The following JPH1 variants were observed in gnomAD, a reference collection of about 807,000 sequenced individuals.
The protein encoded by JPH1 is junctophilin 1.
Under a neutral mutation model 53.6 loss-of-function variants are expected in JPH1, and 12 were observed. The observed-to-expected ratio is 0.22, with a 90% CI of 0.14 to 0.36. The LOEUF is 0.36. Among genes scored for constraint, JPH1 ranks in the 10% least tolerant of loss-of-function variants. The probability of loss-of-function intolerance (pLI) is 1.00; values close to 1 mark genes in which losing one functional copy is unlikely to be tolerated. For missense variants in JPH1, 808 were observed against 905.5 expected (o/e 0.89, Z 1.38); for synonymous variants, 375 against 363.8 (o/e 1.03, Z -0.35).
chr8:74,320,824 G>C lies in JPH1; in HGVS notation c.379+85C>G. ...GGCGGGTTTCCGGACACGTGCGCCC[G>C]GCGTCCTCCCCGCTTCCCCGCAGCC... On this transcript the variant is annotated intron_variant, in intron 1 of 5. Coordinates refer to ENST00000342232, the MANE Select transcript of JPH1 (RefSeq NM_020647.4). The surrounding 1 kb of genome is among the most constrained non-coding windows in gnomAD (Gnocchi z 4.4). 7.2e-7 allele frequency: 1 copy of C among 1,380,042 alleles called. No individual in the cohort carries two copies. Among genetic ancestry groups the C allele is most frequent in the South Asian group, 1.7e-5 (1 of 59,918 alleles). 85.5% of individuals were successfully genotyped at this position (1,380,042 alleles called of 1,614,324 possible).
intron 4 of JPH1, among the ~76,000 whole-genome samples, chr8:74,244,305 T>A (rs1233174736): frequency 6.6e-6 from 1 of 152,092 alleles, no homozygotes; most frequent in Non-Finnish European, 1.5e-5. Flanking sequence ...CTGAATTACA[T>A]CTAAAGTGGG....
chr8:74,237,297 T>C lies in JPH1; in HGVS notation c.1912A>G (p.Asn638Asp), dbSNP rs1449971814. 6.2e-7 allele frequency: 1 copy of C among 1,611,302 alleles called. No individual in the cohort carries two copies. Among genetic ancestry groups the C allele is most frequent in the African/African-American group, 1.3e-5 (1 of 74,808 alleles). ...ATGACAAGGACAATCATGATTGAATTAGGGCCCTGAAAATGAAAGAGAACA... is the reference window on the plus strand; with the variant it reads ...ATGACAAGGACAATCATGATTGAATCAGGGCCCTGAAAATGAAAGAGAACA... ...ALEKEANSGP[N>D]SIMIVLVMLL... Residue 638 changes from asparagine to aspartate, a missense_variant, in exon 5 of 6, where the codon AAT (asparagine) becomes GAT (aspartate). Coordinates refer to ENST00000342232, the MANE Select transcript of JPH1 (RefSeq NM_020647.4).
intron 2 of JPH1, among the ~76,000 whole-genome samples, chr8:74,294,026 G>A (rs959125975): frequency 7.2e-5 from 11 of 152,092 alleles, no homozygotes; most frequent in African/African-American, 2.4e-4. Context: ...TCTCAGCCCC[G>A]ACTTCCAAAA....
intron 2 of JPH1, among the ~76,000 whole-genome samples, chr8:74,265,796 A>C (rs1419323204): frequency 6.6e-6 from 1 of 152,198 alleles, no homozygotes; most frequent in African/African-American, 2.4e-5. Context: ...CTGATTGAAA[A>C]ATGGGCAAAG....
Position 74,259,371 on chromosome 8 carries a change from G to A in JPH1, c.1258+14C>T, listed in dbSNP as rs1340804982. 6.3e-7 allele frequency: 1 copy of A among 1,595,922 alleles called. No homozygotes were observed. Reference sequence around the variant, plus strand: ...AGTGCTCCTGCCTCACCCATCAAAGGAGCACTGTTTTACCTGGTTGGTAGA... The same window carrying A: ...AGTGCTCCTGCCTCACCCATCAAAGAAGCACTGTTTTACCTGGTTGGTAGA... On this transcript the variant is annotated intron_variant, in intron 3 of 5. Coordinates refer to ENST00000342232, the MANE Select transcript of JPH1 (RefSeq NM_020647.4).
chr8:74,307,695 G>A (rs764279767), intron 2 of JPH1, among the ~76,000 whole-genome samples: 4 of 151,916 alleles, frequency 2.6e-5, no homozygotes, highest in Non-Finnish European at 4.4e-5. Flanking sequence ...AAATTAACCA[G>A]AGCACCAGAA....
chr8:74,287,947 T>TCAA (rs1206138029), intron 2 of JPH1, among the ~76,000 whole-genome samples: 3 of 151,872 alleles, frequency 2.0e-5, no homozygotes, highest in African/African-American at 7.3e-5. Context: ...TGTACTTGTT[T>TCAA]TAGCTGACAA....
Position 74,299,341 on chromosome 8 carries a change from A to C in JPH1, c.1139+15520T>G, listed in dbSNP as rs550219755. On this transcript the variant is annotated intron_variant, in intron 2 of 5. Coordinates refer to ENST00000342232, the MANE Select transcript of JPH1 (RefSeq NM_020647.4). ...GTGTAGCCTAAAGCTGCCTCCTTAC[A>C]TATTTTACATTCAGCCTAAAGGTTT... Among the ~76,000 whole-genome samples the C allele has an allele frequency of 2.0e-5, 3 of 152,230 alleles. No individual in the cohort carries two copies. The South Asian group carries it at 6.2e-4, about 32-fold the overall frequency.
chr8:74,248,910 T>C (rs571582745), intron 3 of JPH1, among the ~76,000 whole-genome samples: 3 of 152,324 alleles, frequency 2.0e-5, no homozygotes, highest in East Asian at 1.9e-4. Context: ...CAAATGTTGA[T>C]AGTTGTTGCA....
At chr8:74,299,528 C>T (rs1228866211) in intron 2 of JPH1, among the ~76,000 whole-genome samples, 1 of 152,140 alleles carries the variant, frequency 6.6e-6, no homozygotes, top group Non-Finnish European at 1.5e-5. Context: ...GTTTCTGTAC[C>T]TCACTTTCCT....
chr8:74,313,036 C>G (rs541407087), intron 2 of JPH1, among the ~76,000 whole-genome samples: 1 of 152,282 alleles, frequency 6.6e-6, no homozygotes, highest in East Asian at 1.9e-4. Context: ...CAGAGATCAT[C>G]TCTGCATTGC....
intron 3 of JPH1, among the ~76,000 whole-genome samples, chr8:74,246,981 T>C (rs1263137815): frequency 1.3e-5 from 2 of 152,230 alleles, no homozygotes; most frequent in Non-Finnish European, 2.9e-5. Context: ...GCGATGTCCT[T>C]CTGTTTCTGA....
intron 2 of JPH1, among the ~76,000 whole-genome samples, chr8:74,269,366 TTC>T (rs35286036): frequency 0.07 from 10,611 of 152,280 alleles, 938 homozygotes; most frequent in African/African-American, 0.2. Context: ...GGTATAGTTA[TTC>T]TCTCAGTGAA....
intron 2 of JPH1, among the ~76,000 whole-genome samples, chr8:74,264,677 A>G (rs1806483040): frequency 1.3e-5 from 2 of 152,238 alleles, no homozygotes; most frequent in African/African-American, 4.8e-5. Flanking sequence ...ACTCTGAGCC[A>G]CAAGTGATTT....
At chr8:74,302,952 A>G (rs1316688558) in intron 2 of JPH1, among the ~76,000 whole-genome samples, 1 of 83,228 alleles carries the variant, frequency 1.2e-5, no homozygotes, top group Non-Finnish European at 2.3e-5. Flanking sequence ...GTAGGTTGCC[A>G]AGAAAAGAAA....
chr8:74,314,820 C>G lies in JPH1; in HGVS notation c.1139+41G>C, dbSNP rs1808093321. 8.7e-6 allele frequency: 14 copies of G among 1,609,536 alleles called. No homozygotes were observed. In the Middle Eastern group the frequency reaches 4.9e-4, roughly 57 times the overall value. On this transcript the variant is annotated intron_variant, in intron 2 of 5. Coordinates refer to ENST00000342232, the MANE Select transcript of JPH1 (RefSeq NM_020647.4). ...ACATAATATTTGATACTCCATTGTT[C>G]TGACCAACCCAGCAAAACCAACCAC... is the stretch of plus-strand genomic sequence containing the variant.
At chr8:74,295,895 C>T (rs890158506) in intron 2 of JPH1, among the ~76,000 whole-genome samples, 4 of 152,040 alleles carry the variant, frequency 2.6e-5, no homozygotes, top group Non-Finnish European at 5.9e-5. Context: ...ACCACTCAGG[C>T]GTTGCGTGTG....
At position 74,291,453 on chromosome 8, in the gene JPH1, C is replaced by T. The variant is rs552334222; in HGVS notation, c.1139+23408G>A. 5.3e-5 allele frequency among the ~76,000 whole-genome samples: 8 copies of T among 152,220 alleles called. No individual in the cohort carries two copies. In the East Asian group the frequency reaches 1.5e-3, roughly 29 times the overall value. On this transcript the variant is annotated intron_variant, in intron 2 of 5. Transcript: ENST00000342232. ...TACCATCTCACACCAGTTAGAATGG[C>T]GATCATTAAAAAGTCAGGAAACAAC...
At position 74,315,280 on chromosome 8, in the gene JPH1, G is replaced by A. The variant is rs929142090; in HGVS notation, c.720C>T (p.Arg240=). The A allele has an allele frequency of 6.2e-7, 1 of 1,614,166 alleles. No individual in the cohort carries two copies. The highest frequency in any genetic ancestry group is 8.5e-7 in the Non-Finnish European group (1 of 1,180,042). ...TAATTCTGCTCATGGCCGCGTCGCT[G>A]CGGACAGAGCTGCGCTTGCTCGAGA... ...SSISSKRSSV[R]SDAAMSRISS... Residue 240 remains arginine (R), a synonymous_variant, in exon 2 of 6, where the codon CGC becomes CGT. Coordinates refer to ENST00000342232, the MANE Select transcript of JPH1 (RefSeq NM_020647.4). The surrounding 1 kb of genome is among the most constrained non-coding windows in gnomAD (Gnocchi z 6.3).
Sources: gnomAD v4.1 joint callset for allele counts (sites outside exome capture counted in the v4.1 genomes callset) on GRCh38, gnomAD v4.1.1 for gene constraint, Gnocchi (gnomAD v3.1) non-coding constraint, MANE v1.5 for transcripts, NCBI Gene and HGNC (gene_info 2026-07-23, HGNC 2026-07-21) for gene names.